The following CFAP20DC variants were observed in gnomAD, a reference collection of about 807,000 sequenced individuals.
CFAP20DC encodes the protein CFAP20 domain containing.
A neutral mutation model predicts 101.7 loss-of-function variants in CFAP20DC; 84 were observed. The observed-to-expected ratio is 0.83, with a 90% CI of 0.69 to 0.99. The LOEUF is 0.99. Ranked by LOEUF, CFAP20DC falls within the 50% of genes least tolerant of loss-of-function variation. The pLI is 0.00. For missense variants in CFAP20DC, 1,007 were observed against 970.3 expected, an observed-to-expected ratio of 1.04 and a Z score of -0.50; for synonymous variants, 359 against 351.2, an observed-to-expected ratio of 1.02 and a Z score of -0.25.
At chr3:58,886,054 T>C (rs1369325943) in intron 6 of CFAP20DC, among the ~76,000 whole-genome samples, 2 of 152,146 alleles carry the variant, frequency 1.3e-5, no homozygotes, top group Admixed American at 6.5e-5. Flanking sequence ...AGCTTTGTCA[T>C]TTGTAGCAAG....
intron 4 of CFAP20DC, among the ~76,000 whole-genome samples, chr3:58,993,998 G>C (rs1197096738): frequency 1.3e-5 from 2 of 152,138 alleles, no homozygotes; most frequent in Admixed American, 6.5e-5. Flanking sequence ...GGTCTTTGAG[G>C]AATCATGACA....
chr3:58,893,979 A>G (rs900309956), intron 6 of CFAP20DC, among the ~76,000 whole-genome samples: 2 of 152,186 alleles, frequency 1.3e-5, no homozygotes, highest in Non-Finnish European at 2.9e-5. Context: ...AGGCAAAAAA[A>G]GCTTGTGCAG....
intron 3 of CFAP20DC, among the ~76,000 whole-genome samples, chr3:58,730,989 A>G: frequency 6.6e-6 from 1 of 152,184 alleles, no homozygotes; most frequent in East Asian, 1.9e-4. Context: ...TGCCTCTGCC[A>G]TGACAGGCCC....
chr3:58,891,467 G>T (rs1210146148), intron 6 of CFAP20DC, among the ~76,000 whole-genome samples: 1 of 147,430 alleles, frequency 6.8e-6, no homozygotes, highest in Non-Finnish European at 1.5e-5. Flanking sequence ...GAGGGAGAGG[G>T]AGAGAGCTTT....
chr3:58,806,810 C>A (rs983419944), intron 14 of CFAP20DC, among the ~76,000 whole-genome samples: 1 of 152,196 alleles, frequency 6.6e-6, no homozygotes, highest in African/African-American at 2.4e-5. Context: ...GTTCCCTTTC[C>A]TAGTCAAAGA....
chr3:58,842,253 C>T (rs1187364988), intron 13 of CFAP20DC, among the ~76,000 whole-genome samples: 1 of 152,150 alleles, frequency 6.6e-6, no homozygotes, highest in Non-Finnish European at 1.5e-5. Flanking sequence ...ATCTGAGGTA[C>T]CGGGTTCATC....
At chr3:58,949,501 T>G (rs1175460591) in intron 4 of CFAP20DC, among the ~76,000 whole-genome samples, 1 of 152,170 alleles carries the variant, frequency 6.6e-6, no homozygotes, top group Non-Finnish European at 1.5e-5. Flanking sequence ...TCTCGTTGGT[T>G]TCAAAGAACA....
intron 15 of CFAP20DC, among the ~76,000 whole-genome samples, chr3:58,805,204 C>T (rs1029860715): frequency 6.6e-6 from 1 of 152,148 alleles, no homozygotes; most frequent in Non-Finnish European, 1.5e-5. Context: ...GTATATTGAA[C>T]TGTGATATGT....
chr3:58,928,674 G>A (rs1025994688), intron 5 of CFAP20DC, among the ~76,000 whole-genome samples: 2 of 152,024 alleles, frequency 1.3e-5, no homozygotes, highest in Non-Finnish European at 2.9e-5. Context: ...TCACTGCATT[G>A]GCATATGGGC....
chr3:58,856,174 G>A (rs529900926), intron 12 of CFAP20DC, among the ~76,000 whole-genome samples: 1 of 151,090 alleles, frequency 6.6e-6, no homozygotes, highest in Non-Finnish European at 1.5e-5. Flanking sequence ...CTAAGGATGA[G>A]AACTGCATTG....
intron 16 of CFAP20DC, among the ~76,000 whole-genome samples, chr3:58,753,159 G>C (rs1416048902): frequency 6.6e-6 from 1 of 152,102 alleles, no homozygotes; most frequent in Non-Finnish European, 1.5e-5. Flanking sequence ...ACGAACACCT[G>C]GCAAATTTTC....
At chr3:58,765,507 A>AAAAACAAAAAAAAAAAAAAAAAC (rs1553651634) in intron 15 of CFAP20DC, among the ~76,000 whole-genome samples, 22 of 146,652 alleles carry the variant, frequency 1.5e-4, no homozygotes, top group East Asian at 4.4e-4. Context: ...AAAAAAAAAA[A>AAAAACAAAAAAAAAAAAAAAAAC]CAAACAGAAA....
chr3:59,016,005 T>C (rs1309088405), intron 4 of CFAP20DC, among the ~76,000 whole-genome samples: 1 of 152,114 alleles, frequency 6.6e-6, no homozygotes, highest in Non-Finnish European at 1.5e-5. Context: ...TCTGGCTACC[T>C]TGTGGGTTTT....
At chr3:58,956,887 T>C (rs917109829) in intron 4 of CFAP20DC, among the ~76,000 whole-genome samples, 2 of 152,148 alleles carry the variant, frequency 1.3e-5, no homozygotes, top group African/African-American at 4.8e-5. Flanking sequence ...AAAACCATCA[T>C]ATCTCGTGAG....
At chr3:58,907,279 C>T (rs956735730) in intron 6 of CFAP20DC, among the ~76,000 whole-genome samples, 1 of 152,104 alleles carries the variant, frequency 6.6e-6, no homozygotes, top group Non-Finnish European at 1.5e-5. Context: ...TCTGTGAAAT[C>T]CAAGAACCTC....
chr3:58,963,917 A>G (rs1242215253), intron 4 of CFAP20DC, among the ~76,000 whole-genome samples: 1 of 152,188 alleles, frequency 6.6e-6, no homozygotes, highest in Non-Finnish European at 1.5e-5. Flanking sequence ...ACCAGCATTT[A>G]TGTTAAAATA....
At chr3:59,033,460 T>G (rs1400964257) in intron 4 of CFAP20DC, among the ~76,000 whole-genome samples, 1 of 151,872 alleles carries the variant, frequency 6.6e-6, no homozygotes, top group African/African-American at 2.4e-5. Context: ...TGAAAAAAGG[T>G]TGGAGGAATT....
At chr3:59,046,790 T>C (rs1024179937) in intron 2 of CFAP20DC, among the ~76,000 whole-genome samples, 3 of 152,056 alleles carry the variant, frequency 2.0e-5, no homozygotes, top group Non-Finnish European at 4.4e-5. Flanking sequence ...AGAGGTCCTA[T>C]AGTTTGTGGT....
In CFAP20DC at chr3:58,796,459, G is replaced by A. The variant is rs184121906; in HGVS notation, c.2237+9936C>T. Reference sequence around the variant, plus strand: ...CAAGAGGTTAGAAAAGTCATTCTGGGGCTTTGCCTCTGCTGTGGATCGGGG... The same window carrying A: ...CAAGAGGTTAGAAAAGTCATTCTGGAGCTTTGCCTCTGCTGTGGATCGGGG... On this transcript the variant is annotated intron_variant, in intron 15 of 16. Coordinates refer to ENST00000482387, the MANE Select transcript of CFAP20DC (RefSeq NM_001394063.1). Among the ~76,000 whole-genome samples the A allele has an allele frequency of 5.8e-4, 89 of 152,296 alleles. 1 individual carries two copies. The East Asian group carries it at 0.017, about 29-fold the overall frequency.
Sources: gnomAD v4.1 joint callset for allele counts (sites outside exome capture counted in the v4.1 genomes callset) on GRCh38, gnomAD v4.1.1 for gene constraint, MANE v1.5 for transcripts, NCBI Gene and HGNC (gene_info 2026-07-23, HGNC 2026-07-21) for gene names.